Variants in CAMTA1 observed in about 807,000 individuals in gnomAD.
CAMTA1 encodes calmodulin-binding transcription activator 1.
In CAMTA1, 27 loss-of-function variants were observed where a neutral mutation model predicts 170.9. The observed-to-expected ratio is 0.16, with a 90% CI of 0.12 to 0.22. The LOEUF (loss-of-function observed/expected upper bound fraction) is 0.22. Ranked by LOEUF, CAMTA1 falls within the 10% of genes least tolerant of loss-of-function variation. The probability of loss-of-function intolerance (pLI) is 1.00; values close to 1 mark genes in which losing one functional copy is unlikely to be tolerated. For synonymous variants in CAMTA1, 833 were observed against 891.5 expected (o/e 0.93, Z 1.17); for missense variants, 1,619 against 2,217.2 (o/e 0.73, Z 5.42).
intron 9 of CAMTA1, among the ~76,000 whole-genome samples, chr1:7,670,082 G>A (rs2096043922): frequency 1.3e-5 from 2 of 152,206 alleles, no homozygotes; most frequent in African/African-American, 4.8e-5. Flanking sequence ...CTGAGGGTGG[G>A]GTCCTCCCCC....
chr1:7,569,207 C>T (rs184455751), intron 6 of CAMTA1, among the ~76,000 whole-genome samples: 1 of 150,744 alleles, frequency 6.6e-6, no homozygotes, highest in Non-Finnish European at 1.5e-5. Flanking sequence ...CTTATCATCA[C>T]CATTACCACC....
At chr1:7,129,398 T>G (rs563896548) in intron 4 of CAMTA1, among the ~76,000 whole-genome samples, 8 of 152,110 alleles carry the variant, frequency 5.3e-5, no homozygotes, top group Non-Finnish European at 1.0e-4. Context: ...CTCCTTTTCC[T>G]CTGGGTCTGC....
chr1:7,667,297 C>T (rs531083270), intron 9 of CAMTA1, among the ~76,000 whole-genome samples: 1 of 152,250 alleles, frequency 6.6e-6, no homozygotes, highest in East Asian at 1.9e-4. Context: ...TCCCCGTGCC[C>T]CCTGACCCTG....
chr1:7,232,877 A>T (rs1354723182), intron 4 of CAMTA1, among the ~76,000 whole-genome samples: 1 of 151,964 alleles, frequency 6.6e-6, no homozygotes, highest in Non-Finnish European at 1.5e-5. Context: ...TCACAAAATG[A>T]ATATTGCCTT....
chr1:7,295,025 C>T (rs1269428522), intron 5 of CAMTA1, among the ~76,000 whole-genome samples: 1 of 152,254 alleles, frequency 6.6e-6, no homozygotes, highest in Non-Finnish European at 1.5e-5. Flanking sequence ...CTCCGCTTTG[C>T]TGCCAGGCCA....
At chr1:7,148,136 T>G (rs1170062002) in intron 4 of CAMTA1, among the ~76,000 whole-genome samples, 1 of 142,714 alleles carries the variant, frequency 7.0e-6, no homozygotes, top group East Asian at 2.1e-4. Flanking sequence ...AAATACACAA[T>G]GCATACACAC....
intron 5 of CAMTA1, among the ~76,000 whole-genome samples, chr1:7,445,519 C>T (rs1315087196): frequency 6.6e-6 from 1 of 152,066 alleles, no homozygotes; most frequent in African/African-American, 2.4e-5. Context: ...AGCAGAACCA[C>T]CCAAGGTGAC....
At chr1:7,154,403 C>T (rs1165614294) in intron 4 of CAMTA1, among the ~76,000 whole-genome samples, 1 of 152,060 alleles carries the variant, frequency 6.6e-6, no homozygotes, top group Admixed American at 6.5e-5. Context: ...TTTGTGAGGT[C>T]GATGGGGTTT....
intron 4 of CAMTA1, among the ~76,000 whole-genome samples, chr1:7,125,988 G>A (rs1317892920): frequency 6.6e-6 from 1 of 152,154 alleles, no homozygotes; most frequent in African/African-American, 2.4e-5. Flanking sequence ...GTTCCACATG[G>A]CTGGGGAGGC....
At chr1:7,621,181 A>T (rs2095595919) in intron 6 of CAMTA1, among the ~76,000 whole-genome samples, 1 of 152,200 alleles carries the variant, frequency 6.6e-6, no homozygotes, top group African/African-American at 2.4e-5. Context: ...AGCCAGGAAA[A>T]GAGGTCCTCT....
intron 3 of CAMTA1, among the ~76,000 whole-genome samples, chr1:7,055,922 C>A (rs1707257542): frequency 6.6e-6 from 1 of 152,196 alleles, no homozygotes; most frequent in Admixed American, 6.5e-5. Flanking sequence ...GTCCCCTGCC[C>A]CTTCCTCTGC....
At chr1:7,564,403 A>G (rs1199987437) in intron 6 of CAMTA1, among the ~76,000 whole-genome samples, 1 of 152,256 alleles carries the variant, frequency 6.6e-6, no homozygotes, top group Non-Finnish European at 1.5e-5. Flanking sequence ...AAAATTAATT[A>G]GAGAGGGCGG....
chr1:7,746,221 A>C lies in CAMTA1; in HGVS notation c.4617+130A>C, dbSNP rs74053334. The C allele has an allele frequency of 2.9e-4, 304 of 1,030,866 alleles. No homozygotes were observed. In the African/African-American group the frequency reaches 4.6e-3, roughly 15 times the overall value. 63.9% of individuals were successfully genotyped at this position (1,030,866 alleles called of 1,614,324 possible). A position where few individuals can be genotyped will look rare whatever the true frequency, so the allele number is the denominator to read the frequency against. On this transcript the variant is annotated intron_variant, in intron 18 of 22. Coordinates refer to ENST00000303635, the MANE Select transcript of CAMTA1 (RefSeq NM_015215.4). ...TCTGAATTTGTAGAATTTTTTTGGA[A>C]GTCTCCAATTTATTAAGATTCACTA...
At chr1:7,579,557 T>C (rs553732656) in intron 6 of CAMTA1, among the ~76,000 whole-genome samples, 117 of 109,714 alleles carry the variant, frequency 1.1e-3, no homozygotes, top group South Asian at 5.7e-3. Flanking sequence ...CTTTTCTTTT[T>C]TTTTTTTTTT....
intron 3 of CAMTA1, among the ~76,000 whole-genome samples, chr1:6,856,950 A>C (rs1662646708): frequency 1.3e-5 from 2 of 152,134 alleles, no homozygotes; most frequent in South Asian, 4.1e-4. Context: ...AGAGAGTGGC[A>C]GGAGAAGAGG....
At chr1:7,631,483 C>A (rs1468817177) in intron 6 of CAMTA1, among the ~76,000 whole-genome samples, 1 of 152,204 alleles carries the variant, frequency 6.6e-6, no homozygotes, top group Non-Finnish European at 1.5e-5. Flanking sequence ...GGTTGTAGAA[C>A]TTGAATGTGG....
intron 11 of CAMTA1, among the ~76,000 whole-genome samples, chr1:7,709,508 A>T (rs1036565565): frequency 1.3e-5 from 2 of 152,234 alleles, no homozygotes; most frequent in Non-Finnish European, 2.9e-5. Flanking sequence ...ATCTATGTGG[A>T]TGTGAATCTA....
chr1:7,199,676 G>A (rs560573632), intron 4 of CAMTA1, among the ~76,000 whole-genome samples: 1 of 141,758 alleles, frequency 7.1e-6, no homozygotes, highest in Non-Finnish European at 1.5e-5. Context: ...TGGCTGAAAT[G>A]TATCCAAGGA....
rs563590138 is a variant in CAMTA1, at chr1:7,110,819, G to A, written c.302+19448G>A. On this transcript the variant is annotated intron_variant, in intron 4 of 22. Coordinates refer to ENST00000303635, the MANE Select transcript of CAMTA1 (RefSeq NM_015215.4). ...GCCTCCCAGTTTAGGGACTCTGTGC[G>A]ACCTCGATTCCCAAATGTGCCCCCT... 5.7e-4 allele frequency among the ~76,000 whole-genome samples: 87 copies of A among 152,318 alleles called. 1 individual carries two copies. The highest frequency in any genetic ancestry group is 3.3e-3 in the Admixed American group (51 of 15,304).
Sources: allele counts gnomAD v4.1 joint callset (sites outside exome capture counted in the v4.1 genomes callset), GRCh38; gene constraint gnomAD v4.1.1; transcripts MANE v1.5; gene names NCBI Gene and HGNC (gene_info 2026-07-23, HGNC 2026-07-21).